Variants in ZMAT4 observed in about 807,000 individuals in gnomAD.
ZMAT4 encodes zinc finger matrin-type 4, also known as zinc finger matrin-type protein 4.
In ZMAT4, 17 loss-of-function variants were observed where a neutral mutation model predicts 28.7. The ratio of observed to expected loss-of-function variants is 0.59; its 90% CI spans 0.41 to 0.89. The LOEUF is 0.89. Among genes scored for constraint, ZMAT4 ranks in the 40% least tolerant of loss-of-function variants. ZMAT4 has a pLI of 0.00. For missense variants in ZMAT4, 240 were observed against 283.8 expected (o/e 0.85, Z 1.11); for synonymous variants, 117 against 109.2 (o/e 1.07, Z -0.44).
At chr8:40,606,358 T>A (rs1317078052) in intron 5 of ZMAT4, among the ~76,000 whole-genome samples, 2 of 152,194 alleles carry the variant, frequency 1.3e-5, no homozygotes, top group Non-Finnish European at 2.9e-5. Flanking sequence ...TAGCAGTTCT[T>A]GTAGAGCTGG....
At chr8:40,615,527 A>G (rs950966552) in intron 5 of ZMAT4, among the ~76,000 whole-genome samples, 2 of 152,208 alleles carry the variant, frequency 1.3e-5, no homozygotes, top group African/African-American at 4.8e-5. Context: ...GTGTTTTCCA[A>G]CTTGGTTCCA....
intron 4 of ZMAT4, among the ~76,000 whole-genome samples, chr8:40,684,657 A>T (rs545587703): frequency 6.6e-6 from 1 of 152,236 alleles, no homozygotes; most frequent in South Asian, 2.1e-4. Flanking sequence ...TTCCTGGATC[A>T]TTTCTTATAT....
At chr8:40,762,052 A>C (rs894096868) in intron 3 of ZMAT4, among the ~76,000 whole-genome samples, 4 of 152,220 alleles carry the variant, frequency 2.6e-5, no homozygotes, top group Admixed American at 1.3e-4. Flanking sequence ...TGGTAAACGC[A>C]TCTGTCTTTG....
intron 1 of ZMAT4, among the ~76,000 whole-genome samples, chr8:40,868,184 A>G (rs1817737534): frequency 6.6e-6 from 1 of 152,198 alleles, no homozygotes; most frequent in Non-Finnish European, 1.5e-5. Flanking sequence ...TTTACATGGA[A>G]AAAAAGCCAT....
At chr8:40,669,853 AT>A (rs1808595586) in intron 5 of ZMAT4, among the ~76,000 whole-genome samples, 1 of 152,216 alleles carries the variant, frequency 6.6e-6, no homozygotes, top group Admixed American at 6.5e-5. Flanking sequence ...TTAACAAATG[AT>A]GTGCAAAACC....
intron 5 of ZMAT4, among the ~76,000 whole-genome samples, chr8:40,605,376 G>C (rs924826339): frequency 2.0e-5 from 3 of 152,018 alleles, no homozygotes; most frequent in Non-Finnish European, 2.9e-5. Context: ...TTGATATGTT[G>C]TGTCACTATT....
intron 1 of ZMAT4, among the ~76,000 whole-genome samples, chr8:40,859,108 C>G (rs945441879): frequency 2.6e-5 from 4 of 152,174 alleles, no homozygotes; most frequent in Non-Finnish European, 4.4e-5. Context: ...CCTGCCTTTC[C>G]GGTCCTGACC....
intron 5 of ZMAT4, among the ~76,000 whole-genome samples, chr8:40,668,891 T>TA (rs1554536660): frequency 1.2e-4 from 18 of 151,800 alleles, no homozygotes; most frequent in Non-Finnish European, 2.5e-4. Flanking sequence ...TTTTTTTTTT[T>TA]TATATTGGAC....
chr8:40,593,102 C>G (rs75687118), intron 5 of ZMAT4, among the ~76,000 whole-genome samples: 1 of 152,060 alleles, frequency 6.6e-6, no homozygotes, highest in Non-Finnish European at 1.5e-5. Context: ...TTCATAGATA[C>G]GAAATGTGTT....
At chr8:40,893,709 T>C (rs753851863) in intron 1 of ZMAT4, among the ~76,000 whole-genome samples, 6 of 152,186 alleles carry the variant, frequency 3.9e-5, no homozygotes, top group Non-Finnish European at 8.8e-5. Flanking sequence ...TGCAGGTTTG[T>C]TATAATGGAT....
intron 4 of ZMAT4, 41 bp downstream of exon 4, chr8:40,697,204 G>A: frequency 6.6e-7 from 1 of 1,525,248 alleles, no homozygotes; most frequent in East Asian, 2.3e-5. Context: ...GCCAGCACTT[G>A]GTTTTCAGGG....
At position 40,697,467 on chromosome 8, in the gene ZMAT4, T is replaced by C. The variant is rs537715953; in HGVS notation, c.193-66A>G. On this transcript the variant is annotated intron_variant, in intron 3 of 6. Coordinates refer to ENST00000297737, the MANE Select transcript of ZMAT4 (RefSeq NM_024645.3). Reference sequence around the variant, plus strand: ...ATTCCATTCTTTTACAAATGAGACTTACCCAGACGAACTAGTGTATTGAAA... The same window carrying C: ...ATTCCATTCTTTTACAAATGAGACTCACCCAGACGAACTAGTGTATTGAAA... The C allele has an allele frequency of 2.3e-5, 32 of 1,387,268 alleles. No individual in the cohort carries two copies. The East Asian group carries it at 7.0e-4, about 30-fold the overall frequency. 85.9% of individuals were successfully genotyped at this position (1,387,268 alleles called of 1,614,324 possible). A position where few individuals can be genotyped will look rare whatever the true frequency, so the allele number is the denominator to read the frequency against.
At position 40,674,761 on chromosome 8, in the gene ZMAT4, C is replaced by T. The variant is rs867752388; in HGVS notation, c.520G>A (p.Ala174Thr). 1 of 1,614,008 alleles carries T rather than the reference C, an allele frequency of 6.2e-7. No homozygotes were observed. The highest frequency in any genetic ancestry group is 8.5e-7 in the Non-Finnish European group (1 of 1,179,924). ...YDGKKHKKNA[A>T]RVALLEQLGT... ...AGTTGTTCTAACAAAGCAACTCTTGCCGCATTCTTTTTGTGTTTCTTGCCA... is the reference window on the plus strand; with the variant it reads ...AGTTGTTCTAACAAAGCAACTCTTGTCGCATTCTTTTTGTGTTTCTTGCCA... Residue 174 changes from alanine to threonine, a missense_variant, in exon 5 of 7, where the codon GCA becomes ACA. Transcript: ENST00000297737.
chr8:40,634,919 C>G (rs1378133890), intron 5 of ZMAT4, among the ~76,000 whole-genome samples: 5 of 152,226 alleles, frequency 3.3e-5, no homozygotes, highest in African/African-American at 1.2e-4. Context: ...CCTTCAGCAC[C>G]TTGCACTTCA....
intron 2 of ZMAT4, among the ~76,000 whole-genome samples, chr8:40,810,923 G>C (rs1349517481): frequency 1.3e-5 from 2 of 152,086 alleles, no homozygotes. Flanking sequence ...TTTAAAAGTT[G>C]TTCAAGCTTT....
At chr8:40,626,704 T>C (rs1806394862) in intron 5 of ZMAT4, among the ~76,000 whole-genome samples, 1 of 152,196 alleles carries the variant, frequency 6.6e-6, no homozygotes, top group Non-Finnish European at 1.5e-5. Context: ...CAGGCCTCTG[T>C]GACCAAATAA....
intron 1 of ZMAT4, among the ~76,000 whole-genome samples, chr8:40,893,572 TC>T (rs1818768081): frequency 6.6e-6 from 1 of 152,226 alleles, no homozygotes; most frequent in South Asian, 2.1e-4. Context: ...GGCCGCCGTT[TC>T]CCACTCTGCT....
intron 5 of ZMAT4, among the ~76,000 whole-genome samples, chr8:40,643,762 G>C (rs1319962301): frequency 7.7e-6 from 1 of 130,088 alleles, no homozygotes; most frequent in Non-Finnish European, 1.7e-5. Flanking sequence ...AAAGTGAAGA[G>C]TGTGCGTCTG....
intron 1 of ZMAT4, among the ~76,000 whole-genome samples, chr8:40,870,627 A>G (rs1817824310): frequency 6.6e-6 from 1 of 152,176 alleles, no homozygotes; most frequent in Admixed American, 6.5e-5. Context: ...TACGTGTCCT[A>G]TGTCCTCGTA....
Sources: gnomAD v4.1 joint callset for allele counts (sites outside exome capture counted in the v4.1 genomes callset) on GRCh38, gnomAD v4.1.1 for gene constraint, MANE v1.5 for transcripts, NCBI Gene and HGNC (gene_info 2026-07-23, HGNC 2026-07-21) for gene names.